Variants in SLC24A3 observed in about 807,000 individuals in gnomAD.
SLC24A3 encodes the protein sodium/potassium/calcium exchanger 3.
SLC24A3 carries 28 observed loss-of-function variants against 75.8 expected under a neutral mutation model. The observed-to-expected ratio is 0.37, with a 90% CI of 0.27 to 0.51. The LOEUF (loss-of-function observed/expected upper bound fraction) is 0.51, where lower values mean the gene tolerates loss of function less well. Among genes scored for constraint, SLC24A3 ranks in the 20% least tolerant of loss-of-function variants. The probability of loss-of-function intolerance (pLI) is 0.94; values close to 1 mark genes in which losing one functional copy is unlikely to be tolerated. For synonymous variants in SLC24A3, 372 were observed against 334.1 expected, an observed-to-expected ratio of 1.11 and a Z score of -1.24; for missense variants, 663 against 847.8, an observed-to-expected ratio of 0.78 and a Z score of 2.71.
At chr20:19,654,190 G>C in intron 7 of SLC24A3, 54 bp downstream of exon 7, 1 of 1,540,528 alleles carries the variant, frequency 6.5e-7, no homozygotes, top group East Asian at 2.2e-5. Flanking sequence ...AGCACCAGGG[G>C]TGGTGTGAGG....
chr20:19,476,887 GC>G (rs1987970522), intron 2 of SLC24A3, among the ~76,000 whole-genome samples: 1 of 152,036 alleles, frequency 6.6e-6, no homozygotes, highest in Non-Finnish European at 1.5e-5. Context: ...TGATTCTTTT[GC>G]CCTCCTCTCT....
rs79508255 is a variant in SLC24A3 at position 19,328,219 on chromosome 20, G to A, written c.271+47132G>A. 7.8e-4 allele frequency among the ~76,000 whole-genome samples: 118 copies of A among 152,078 alleles called. 2 individuals carry two copies. In the East Asian group the frequency reaches 0.021, roughly 27 times the overall value. On this transcript the variant is annotated intron_variant, in intron 2 of 16. Transcript: ENST00000328041. ...GTCAGTGTGGCTGGAGCAGAATGAGGGAGGAGGAGAGGAGTTGGAGGGACG... is the reference window on the plus strand; with the variant it reads ...GTCAGTGTGGCTGGAGCAGAATGAGAGAGGAGGAGAGGAGTTGGAGGGACG...
chr20:19,351,209 C>A lies in SLC24A3; in HGVS notation c.271+70122C>A, dbSNP rs1404655406. 1.6e-4 allele frequency among the ~76,000 whole-genome samples: 25 copies of A among 152,332 alleles called. 1 individual carries two copies. The highest frequency in any genetic ancestry group is 6.0e-4 in the African/African-American group (25 of 41,578). ...ACCTTGGCCTTGTCACTGCTGCAGTCTGAAGTTCTCATTTTCCCTTCAGGT... is the reference window on the plus strand; with the variant it reads ...ACCTTGGCCTTGTCACTGCTGCAGTATGAAGTTCTCATTTTCCCTTCAGGT... On this transcript the variant is annotated intron_variant, in intron 2 of 16. Transcript: ENST00000328041.
chr20:19,326,983 T>C (rs892940036), intron 2 of SLC24A3, among the ~76,000 whole-genome samples: 1 of 152,268 alleles, frequency 6.6e-6, no homozygotes, highest in Admixed American at 6.5e-5. Flanking sequence ...AAGACTTTGC[T>C]CTGGGAAAGA....
At chr20:19,301,016 G>A (rs781519401) in intron 2 of SLC24A3, among the ~76,000 whole-genome samples, 3 of 152,108 alleles carry the variant, frequency 2.0e-5, no homozygotes, top group Non-Finnish European at 2.9e-5. Context: ...TTTAGGTTGT[G>A]ACCTCCACAC....
chr20:19,371,303 C>A lies in SLC24A3; in HGVS notation c.271+90216C>A, dbSNP rs1985988765. The stretch of plus-strand genomic sequence containing the variant: ...CATTTCAGCAAAGAGATACTAATGT[C>A]TGTGTGTGAGAGTGGAGAGGGCAGG... On this transcript the variant is annotated intron_variant, in intron 2 of 16. Transcript: ENST00000328041. Among the ~76,000 whole-genome samples, 5 of 152,164 alleles carry A rather than the reference C, an allele frequency of 3.3e-5. No homozygotes were observed. In the South Asian group the frequency reaches 1.0e-3, roughly 32 times the overall value.
At chr20:19,323,065 G>T (rs1351084230) in intron 2 of SLC24A3, among the ~76,000 whole-genome samples, 2 of 151,568 alleles carry the variant, frequency 1.3e-5, no homozygotes, top group Admixed American at 1.3e-4. Flanking sequence ...AATTAGCCGG[G>T]CGTGGTAGCG....
At chr20:19,332,585 CT>C (rs1161140400) in intron 2 of SLC24A3, among the ~76,000 whole-genome samples, 1 of 152,202 alleles carries the variant, frequency 6.6e-6, no homozygotes, top group Non-Finnish European at 1.5e-5. Flanking sequence ...TGACTTCTTT[CT>C]GCTGTTGAGC....
chr20:19,636,306 G>C (rs1327206857), intron 6 of SLC24A3, among the ~76,000 whole-genome samples: 1 of 152,300 alleles, frequency 6.6e-6, no homozygotes, highest in East Asian at 1.9e-4. Flanking sequence ...CGAGAGGAGT[G>C]TCAAAGAATG....
chr20:19,400,271 G>A (rs1182417931), intron 2 of SLC24A3, among the ~76,000 whole-genome samples: 1 of 152,114 alleles, frequency 6.6e-6, no homozygotes, highest in Non-Finnish European at 1.5e-5. Context: ...CCTGAGTTTT[G>A]TTCTGAGATT....
chr20:19,426,825 G>T (rs6046081), intron 2 of SLC24A3, among the ~76,000 whole-genome samples: 17,989 of 152,018 alleles, frequency 0.12, 1,643 homozygotes, highest in East Asian at 0.4. Flanking sequence ...TGGGTGATGA[G>T]GAATACCTGA....
chr20:19,679,278 A>C (rs1161888134), intron 9 of SLC24A3, among the ~76,000 whole-genome samples: 1 of 152,182 alleles, frequency 6.6e-6, no homozygotes, highest in African/African-American at 2.4e-5. Flanking sequence ...AGGCTGGCGG[A>C]TCACTCGCGG....
chr20:19,308,627 TG>T (rs1458223230), intron 2 of SLC24A3, among the ~76,000 whole-genome samples: 2 of 152,220 alleles, frequency 1.3e-5, no homozygotes, highest in Non-Finnish European at 2.9e-5. Context: ...AAACCTTTAT[TG>T]AGCGATTTTT....
rs117037673 is a variant in SLC24A3 at position 19,693,505 on chromosome 20, G to A, written c.1491+80G>A. 1.3e-3 allele frequency: 1,941 copies of A among 1,531,282 alleles called. 41 individuals are homozygous for A. The East Asian group carries it at 0.039, about 31-fold the overall frequency. 94.9% of individuals were successfully genotyped at this position (1,531,282 alleles called of 1,614,324 possible). On this transcript the variant is annotated intron_variant, in intron 13 of 16. Coordinates refer to ENST00000328041, the MANE Select transcript of SLC24A3 (RefSeq NM_020689.4). The stretch of plus-strand genomic sequence containing the variant: ...GGGAATAAGAGTCAGGGTTTCAGCC[G>A]ATAACTGTACTAGTCAGCTATTGCT...
At chr20:19,530,948 C>T (rs2030286477) in intron 3 of SLC24A3, among the ~76,000 whole-genome samples, 2 of 152,132 alleles carry the variant, frequency 1.3e-5, no homozygotes, top group Admixed American at 6.5e-5. Flanking sequence ...CCCACAGCTG[C>T]TCCATAGAAG....
At chr20:19,432,733 C>T (rs1361190469) in intron 2 of SLC24A3, among the ~76,000 whole-genome samples, 1 of 152,066 alleles carries the variant, frequency 6.6e-6, no homozygotes, top group Non-Finnish European at 1.5e-5. Context: ...CTCTTTATAG[C>T]CAGATGTATT....
chr20:19,518,210 C>T (rs541053585), intron 3 of SLC24A3, among the ~76,000 whole-genome samples: 19 of 152,336 alleles, frequency 1.2e-4, no homozygotes, highest in Non-Finnish European at 2.8e-4. Context: ...CAGATGAATG[C>T]ATGGGTCAAA....
intron 9 of SLC24A3, among the ~76,000 whole-genome samples, chr20:19,678,339 G>GT (rs2032554988): frequency 9.0e-6 from 1 of 111,166 alleles, no homozygotes; most frequent in Non-Finnish European, 1.9e-5. Context: ...GCGGGGGGCT[G>GT]ACCCCCCCCA....
chr20:19,378,464 GAT>G (rs1270534482), intron 2 of SLC24A3, among the ~76,000 whole-genome samples: 2 of 152,172 alleles, frequency 1.3e-5, no homozygotes, highest in Non-Finnish European at 2.9e-5. Flanking sequence ...AAGTAAATGT[GAT>G]CTGGTTGAAT....
Sources: gnomAD v4.1 joint callset for allele counts (sites outside exome capture counted in the v4.1 genomes callset) on GRCh38, gnomAD v4.1.1 for gene constraint, MANE v1.5 for transcripts, NCBI Gene and HGNC (gene_info 2026-07-23, HGNC 2026-07-21) for gene names.